The following MYH4 variants were observed in gnomAD, a reference collection of about 807,000 sequenced individuals.
MYH4 encodes the protein myosin heavy chain 4.
Under a neutral mutation model 229.9 loss-of-function variants are expected in MYH4, and 200 were observed. The observed-to-expected ratio is 0.87, with a 90% CI of 0.78 to 0.98. The LOEUF is 0.98. Ranked by LOEUF, MYH4 falls within the 50% of genes least tolerant of loss-of-function variation. The pLI is 0.00. For synonymous variants in MYH4, 761 were observed against 834.6 expected (o/e 0.91, Z 1.52); for missense variants, 2,148 against 2,332.6 (o/e 0.92, Z 1.63).
rs373113266 is a variant in MYH4, at chr17:10,449,067, G to C, written c.4182-20C>G. 7 of 1,610,500 alleles carry C rather than the reference G, an allele frequency of 4.3e-6. No homozygotes were observed. The Admixed American group carries it at 8.3e-5, about 19-fold the overall frequency. On this transcript the variant is annotated intron_variant, in intron 30 of 39. Transcript: ENST00000255381. The stretch of plus-strand genomic sequence containing the variant: ...TTCTTCCTGAAAATTGGGTCAGTAT[G>C]AGTGACCAAGAGCAGACTCAGAGTC...
chr17:10,461,200 C>G, intron 11 of MYH4, 146 bp from the exon 12 acceptor site: 1 of 883,832 alleles, frequency 1.1e-6, no homozygotes, highest in Non-Finnish European at 1.7e-6. Context: ...TACTCATATG[C>G]TTTACCTTTT....
At chr17:10,460,512 T>C (rs1158180193) in intron 12 of MYH4, among the ~76,000 whole-genome samples, 191 bp from the exon 13 acceptor site, 2 of 152,218 alleles carry the variant, frequency 1.3e-5, no homozygotes, top group African/African-American at 2.4e-5. Flanking sequence ...TTTCTTGTGA[T>C]GATAAATTGG....
chr17:10,451,344 G>T lies in MYH4; in HGVS notation c.3847C>A (p.Arg1283Ser), dbSNP rs117895047. ...LINELSAQKA[R>S]LHTESGEFSR... ...TACTGACCTGATTCTGTGTGTAAAC[G>T]TGCCTTCTGGGCTGACAACTCATTT... The change falls in exon 28 of 40, where the codon CGT becomes AGT. Residue 1283 changes from arginine (R) to serine (S), a missense_variant. Physicochemically the swap from Arg to Ser is moderately radical, Grantham distance 110. Coordinates refer to ENST00000255381, the MANE Select transcript of MYH4 (RefSeq NM_017533.2). The T allele has an allele frequency of 5.6e-6, 9 of 1,613,774 alleles. No individual in the cohort carries two copies. Among genetic ancestry groups the T allele is most frequent in the Non-Finnish European group, 1.7e-6 (2 of 1,179,966 alleles).
Position 10,461,011 on chromosome 17 carries a change from G to T in MYH4, c.1052C>A (p.Ala351Asp), listed in dbSNP as rs780039843. ...ILGFTADEKVAIYKLTGAVMH... is the reference protein window; with the variant it reads ...ILGFTADEKVDIYKLTGAVMH... ...CACGGCTCCAGTGAGCTTGTAAATG[G>T]CCACCTTTTCATCAGCAGTGAAACC... Residue 351 changes from alanine (A) to aspartate (D), a missense_variant, in exon 12 of 40, where the codon GCC becomes GAC. Physicochemically the swap from Ala to Asp is moderately radical, Grantham distance 126. Transcript: ENST00000255381. 2.5e-6 allele frequency: 4 copies of T among 1,613,972 alleles called. No homozygotes were observed. Among genetic ancestry groups the T allele is most frequent in the Middle Eastern group, 1.6e-4 (1 of 6,062 alleles).
At chr17:10,445,509 G>C in intron 35 of MYH4, 147 bp from the exon 36 acceptor site, 2 of 1,102,582 alleles carry the variant, frequency 1.8e-6, no homozygotes, top group Non-Finnish European at 2.6e-6. Context: ...CTAAGTTTAT[G>C]CCTTTTCTCC....
chr17:10,460,168 G>A, intron 13 of MYH4, 35 bp downstream of exon 13: 5 of 1,612,916 alleles, frequency 3.1e-6, no homozygotes, highest in Non-Finnish European at 4.2e-6. Context: ...GTCACTTGCG[G>A]TTCAAATAAA....
intron 14 of MYH4, among the ~76,000 whole-genome samples, chr17:10,459,655 C>G (rs926563153): frequency 2.6e-4 from 39 of 152,134 alleles, no homozygotes; most frequent in Admixed American, 2.3e-3. Flanking sequence ...AATGAGGACT[C>G]TGAAATATTT....
Position 10,447,217 on chromosome 17 carries a change from C to G in MYH4, c.4966-1G>C. 1 of 1,613,672 alleles carries G rather than the reference C, an allele frequency of 6.2e-7. No individual in the cohort carries two copies. Among genetic ancestry groups the G allele is most frequent in the Non-Finnish European group, 8.5e-7 (1 of 1,179,778 alleles). ...CATCATCCAAATGTAGCTGAGTGTCCTACACAGAAAGAGAAAAAGCCTCTT... is the reference window on the plus strand; with the variant it reads ...CATCATCCAAATGTAGCTGAGTGTCGTACACAGAAAGAGAAAAAGCCTCTT... On this transcript the variant is annotated splice_acceptor_variant, in intron 34 of 39. Coordinates refer to ENST00000255381, the MANE Select transcript of MYH4 (RefSeq NM_017533.2). LOFTEE classifies it high-confidence loss of function.
At chr17:10,456,431 A>T in intron 17 of MYH4, 54 bp downstream of exon 17, 1 of 1,453,986 alleles carries the variant, frequency 6.9e-7, no homozygotes, top group Non-Finnish European at 9.4e-7. Flanking sequence ...TTCTGTTTTG[A>T]TGGTTTAGTT....
intron 27 of MYH4, among the ~76,000 whole-genome samples, chr17:10,451,738 T>C (rs1040389568): frequency 6.6e-6 from 1 of 152,150 alleles, no homozygotes; most frequent in African/African-American, 2.4e-5. Context: ...TTTTTCATGG[T>C]AATAGTATCA....
chr17:10,445,107 T>A lies in MYH4; in HGVS notation c.5335A>T (p.Thr1779Ser). 1 of 1,614,176 alleles carries A rather than the reference T, an allele frequency of 6.2e-7. No homozygotes were observed. Among genetic ancestry groups the A allele is most frequent in the South Asian group, 1.1e-5 (1 of 91,074 alleles). Residue 1779 changes from threonine to serine, a missense_variant, in exon 37 of 40, where the codon ACC becomes TCC. Transcript: ENST00000255381. ...TTCATCCGCTCCAGGTGGGCGCTGG[T>A]GTCCTGTTCCTTCTTCAGCTCCTCA... ...MAEELKKEQD[T>S]SAHLERMKKN...
chr17:10,447,426 T>TA (rs1406225026), intron 34 of MYH4, among the ~76,000 whole-genome samples: 1 of 152,176 alleles, frequency 6.6e-6, no homozygotes, highest in African/African-American at 2.4e-5. Context: ...CCTGAATCAT[T>TA]AAAAAATACC....
intron 11 of MYH4, among the ~76,000 whole-genome samples, chr17:10,462,183 G>A (rs2072710479): frequency 6.6e-6 from 1 of 152,092 alleles, no homozygotes. Flanking sequence ...TGATATTAAA[G>A]TTAAAAATAA....
Position 10,444,939 on chromosome 17 carries a change from T to A in MYH4, c.5466+37A>T, listed in dbSNP as rs1301133094. The A allele has an allele frequency of 1.2e-6, 2 of 1,614,160 alleles. 1 individual carries two copies. Among genetic ancestry groups the A allele is most frequent in the South Asian group, 2.2e-5 (2 of 91,084 alleles). On this transcript the variant is annotated intron_variant, in intron 37 of 39. Transcript: ENST00000255381. Reference sequence around the variant, plus strand: ...AGACGTTTACCAGTTTGGCTGTAACTGGCCACAAGGAATTGAGTGAAGTTG... The same window carrying A: ...AGACGTTTACCAGTTTGGCTGTAACAGGCCACAAGGAATTGAGTGAAGTTG...
chr17:10,457,554 G>A lies in MYH4; in HGVS notation c.1763C>T (p.Thr588Ile). The change falls in exon 16 of 40, where the codon ACC (threonine) becomes ATC (isoleucine). Residue 588 changes from threonine to isoleucine, a missense_variant. Coordinates refer to ENST00000255381, the MANE Select transcript of MYH4 (RefSeq NM_017533.2). ...CCAGCCGGCGATGTTGTAGTCCACG[G>A]TGCCGGCATAGTGCACCAGTGAGAA... ...AHFSLVHYAG[T>I]VDYNIAGWLD... 4 of 1,614,192 alleles carry A rather than the reference G, an allele frequency of 2.5e-6. No homozygotes were observed. Among genetic ancestry groups the A allele is most frequent in the Non-Finnish European group, 3.4e-6 (4 of 1,180,038 alleles).
chr17:10,468,172 T>C (rs2072787110), intron 2 of MYH4, among the ~76,000 whole-genome samples: 1 of 152,226 alleles, frequency 6.6e-6, no homozygotes, highest in African/African-American at 2.4e-5. Context: ...TTATTTATAT[T>C]ACATTATATT....
chr17:10,458,915 G>T lies in MYH4; in HGVS notation c.1587+336C>A, dbSNP rs1476957112. Among the ~76,000 whole-genome samples, 12 of 152,096 alleles carry T rather than the reference G, an allele frequency of 7.9e-5. 1 individual carries two copies. The highest frequency in any genetic ancestry group is 7.9e-4 in the Admixed American group (12 of 15,276). Reference sequence around the variant, plus strand: ...GATAAATGCACAATACACTGTCATGGGTACACCAGGGTTAATTACACAACC... The same window carrying T: ...GATAAATGCACAATACACTGTCATGTGTACACCAGGGTTAATTACACAACC... On this transcript the variant is annotated intron_variant, in intron 15 of 39. Coordinates refer to ENST00000255381, the MANE Select transcript of MYH4 (RefSeq NM_017533.2).
chr17:10,460,929 T>A lies in MYH4; in HGVS notation c.1134A>T (p.Pro378=). The A allele has an allele frequency of 6.2e-7, 1 of 1,614,142 alleles. No individual in the cohort carries two copies. Among genetic ancestry groups the A allele is most frequent in the Non-Finnish European group, 8.5e-7 (1 of 1,180,006 alleles). Residue 378 remains proline (P), a synonymous_variant, in exon 12 of 40, where the codon CCA becomes CCT. Coordinates refer to ENST00000255381, the MANE Select transcript of MYH4 (RefSeq NM_017533.2). ...AGGGGGTGGTACCTTCCGTGCCATC[T>A]GGCTCTGCCTGCTCTTCCCTTTGCT... is the stretch of plus-strand genomic sequence containing the variant. ...KQKQREEQAE[P]DGTEVADKAA...
In MYH4 at chr17:10,452,749, A is replaced by G. The variant is rs774641857; in HGVS notation, c.3257+38T>C. On this transcript the variant is annotated intron_variant, in intron 25 of 39. Transcript: ENST00000255381. ...GCGTATGTTTCATTTGCATTGACAT[A>G]CAACAAGCAGGTTATAGCTGAATTA... 3.2e-6 allele frequency: 5 copies of G among 1,563,428 alleles called. No individual in the cohort carries two copies. In the East Asian group the frequency reaches 6.7e-5, roughly 21 times the overall value.
Sources: allele counts gnomAD v4.1 joint callset (sites outside exome capture counted in the v4.1 genomes callset), GRCh38; gene constraint gnomAD v4.1.1; transcripts MANE v1.5; gene names NCBI Gene and HGNC (gene_info 2026-07-23, HGNC 2026-07-21).